SELE: variants seen among roughly 807,000 people sequenced by gnomAD.
The protein encoded by SELE is E-selectin.
SELE carries 52 observed loss-of-function variants against 75.8 expected under a neutral mutation model. The ratio of observed to expected loss-of-function variants is 0.69; its 90% CI spans 0.55 to 0.86. The LOEUF (loss-of-function observed/expected upper bound fraction) is 0.86. Among genes scored for constraint, SELE ranks in the 40% least tolerant of loss-of-function variants. The pLI is 0.00. For missense variants in SELE, 754 were observed against 732.7 expected (o/e 1.03, Z -0.34); for synonymous variants, 285 against 258.7 (o/e 1.10, Z -0.98).
In SELE at chr1:169,723,049, A is replaced by G. The variant is rs1304542984; in HGVS notation, c.*1476T>C. On this transcript the variant is annotated 3_prime_UTR_variant, in exon 14 of 14. Coordinates refer to ENST00000333360, the MANE Select transcript of SELE (RefSeq NM_000450.2). The stretch of plus-strand genomic sequence containing the variant: ...CTTTTTTTTCAACACATGCTAAGTT[A>G]ATGGAAGTGTAGGAGAGTTTTGATT... 6.6e-6 allele frequency: 1 copy of G among 152,196 alleles called. No homozygotes were observed. Among genetic ancestry groups the G allele is most frequent in the Non-Finnish European group, 1.5e-5 (1 of 68,034 alleles). The allele number at this position is 152,196 out of a possible 1,614,324, so 9.4% of individuals were successfully genotyped here. A position where few individuals can be genotyped will look rare whatever the true frequency, so the allele number is the denominator to read the frequency against.
At chr1:169,733,333 A>G (rs1487659823) in intron 2 of SELE, among the ~76,000 whole-genome samples, 3 of 152,110 alleles carry the variant, frequency 2.0e-5, no homozygotes, top group Non-Finnish European at 1.5e-5. Context: ...GAACCATGCT[A>G]TTGAATCCTC....
intron 12 of SELE, 33 bp from the exon 13 acceptor site, chr1:169,725,834 C>T (rs760211399): frequency 1.2e-6 from 2 of 1,613,830 alleles, no homozygotes; most frequent in Non-Finnish European, 1.7e-6. Flanking sequence ...AGGTAAAGCA[C>T]TGTCTTCCAA....
chr1:169,733,833 T>C (rs5353), intron 1 of SELE, 138 bp downstream of exon 1: 188,369 of 575,528 alleles, frequency 0.33, 34,022 homozygotes, highest in East Asian at 0.57. Context: ...AGACTTTCAT[T>C]ATTTAGGTCA....
intron 4 of SELE, among the ~76,000 whole-genome samples, chr1:169,731,083 CTA>C (rs1648899820): frequency 6.6e-6 from 1 of 152,170 alleles, no homozygotes; most frequent in African/African-American, 2.4e-5. Flanking sequence ...GCACTGTCTA[CTA>C]TAGTAGCCAC....
intron 5 of SELE, among the ~76,000 whole-genome samples, chr1:169,729,978 TA>T (rs1648871443): frequency 6.6e-6 from 1 of 152,200 alleles, no homozygotes; most frequent in African/African-American, 2.4e-5. Context: ...CTGACATACG[TA>T]GGCTATTCAT....
intron 11 of SELE, 66 bp downstream of exon 11, chr1:169,726,633 A>T (rs1648780629): frequency 8.4e-6 from 9 of 1,074,358 alleles, no homozygotes; most frequent in Non-Finnish European, 1.3e-5. Flanking sequence ...CAAGACCATG[A>T]CTTATCAATG....
chr1:169,726,183 A>G (rs1313074632), intron 11 of SELE, among the ~76,000 whole-genome samples: 2 of 152,072 alleles, frequency 1.3e-5, no homozygotes, highest in South Asian at 2.1e-4. Flanking sequence ...TCAGCTCCCA[A>G]TTTTTCATGA....
intron 2 of SELE, 103 bp from the exon 3 acceptor site, chr1:169,733,101 A>G (rs1048275159): frequency 1.3e-5 from 15 of 1,187,632 alleles, no homozygotes; most frequent in Admixed American, 8.3e-5. Flanking sequence ...TGTTTGTGAC[A>G]TGGCCCAGAC....
At position 169,728,036 on chromosome 1, in the gene SELE, AAAATAAAAAC is replaced by A. The variant is rs748899457; in HGVS notation, c.1279+12_1279+21del. 2.5e-6 allele frequency: 4 copies of A among 1,585,896 alleles called. No individual in the cohort carries two copies. The highest frequency in any genetic ancestry group is 3.4e-6 in the Non-Finnish European group (4 of 1,171,458). On this transcript the variant is annotated intron_variant, in intron 8 of 13. Transcript: ENST00000333360. Reference sequence around the variant, plus strand: ...TCAATAGTTCTTTTTATCTTAAAATAAAATAAAAACAAAGACTGTACCTTCACATGTGGGC... The same window carrying A: ...TCAATAGTTCTTTTTATCTTAAAATAAAAGACTGTACCTTCACATGTGGGC...
rs1029340378 is a variant in SELE, at chr1:169,727,849, TA to T, written c.1357del (p.Tyr453ThrfsTer39). ...CAHSPIGEFT[Y>X]KSSCAFSCEE... is the part of the protein sequence containing the mutation. ...ACAGCTGAAGGCACAAGAGGACTTG[TA>T]GGTGAATTCTCCAATAGGGGAATGA... is the stretch of plus-strand genomic sequence containing the variant. On this transcript the variant is annotated frameshift_variant, in exon 9 of 14. Coordinates refer to ENST00000333360, the MANE Select transcript of SELE (RefSeq NM_000450.2). LOFTEE classifies it high-confidence loss of function. The T allele has an allele frequency of 1.1e-5, 17 of 1,614,062 alleles. No individual in the cohort carries two copies. Among genetic ancestry groups the T allele is most frequent in the African/African-American group, 2.7e-5 (2 of 74,926 alleles).
intron 4 of SELE, chr1:169,731,403 G>A (rs1287307774): frequency 6.3e-6 from 1 of 158,062 alleles, no homozygotes; most frequent in African/African-American, 2.4e-5. Flanking sequence ...CAGAGCCAGA[G>A]GCCAGAGCAT....
chr1:169,728,457 A>G (rs1308141208), intron 7 of SELE, among the ~76,000 whole-genome samples: 1 of 152,226 alleles, frequency 6.6e-6, no homozygotes, highest in Admixed American at 6.5e-5. Context: ...TAATCAGAAC[A>G]TTAGTTCCTG....
chr1:169,728,445 A>G (rs1018198619), intron 7 of SELE, among the ~76,000 whole-genome samples, 199 bp from the exon 8 acceptor site: 2 of 152,230 alleles, frequency 1.3e-5, no homozygotes, highest in African/African-American at 4.8e-5. Flanking sequence ...TAAAAGACTA[A>G]TTAATCAGAA....
chr1:169,725,010 C>T (rs1227216500), intron 13 of SELE, among the ~76,000 whole-genome samples: 1 of 152,154 alleles, frequency 6.6e-6, no homozygotes, highest in Non-Finnish European at 1.5e-5. Flanking sequence ...GAGTTTGAAT[C>T]CTGGCTACAC....
chr1:169,729,332 A>G lies in SELE; in HGVS notation c.944T>C (p.Val315Ala), dbSNP rs370576449. ...TCCAGCAGGGGAATGGCTGCACCTC[A>G]CAGAGCCATTCTGAGGCTGGCGGAC... ...RAVRQPQNGSVRCSHSPAGEF... is the reference protein window; with the variant it reads ...RAVRQPQNGSARCSHSPAGEF... The change falls in exon 7 of 14, where the codon GTG (valine) becomes GCG (alanine). Residue 315 changes from valine to alanine, a missense_variant. Transcript: ENST00000333360. The G allele has an allele frequency of 1.1e-5, 17 of 1,614,120 alleles. No homozygotes were observed. The African/African-American group carries it at 1.5e-4, about 14-fold the overall frequency.
Position 169,725,750 on chromosome 1 carries a change from G to A in SELE, c.1827C>T (p.Ile609=). The A allele has an allele frequency of 6.2e-7, 1 of 1,613,868 alleles. No individual in the cohort carries two copies. The highest frequency in any genetic ancestry group is 8.5e-7 in the Non-Finnish European group (1 of 1,179,824). ...TTACCTGATTCTTTTGAACTTAAAG[G>A]ATGTAAGAAGGCTTTTGGTAGCTTC... ...SDGSYQKPSY[I]L Residue 609 remains isoleucine, a synonymous_variant, in exon 13 of 14, where the codon ATC becomes ATT. Transcript: ENST00000333360.
chr1:169,726,554 T>C (rs1648778739), intron 11 of SELE, 145 bp downstream of exon 11: 2 of 675,018 alleles, frequency 3.0e-6, no homozygotes. Context: ...CTACTAACTC[T>C]TTTCTTAATA....
Position 169,730,436 on chromosome 1 carries a change from G to A in SELE, c.711C>T (p.Cys237=), listed in dbSNP as rs1321233770. 13 of 1,587,172 alleles carry A rather than the reference G, an allele frequency of 8.2e-6. No individual in the cohort carries two copies. Among genetic ancestry groups the A allele is most frequent in the Non-Finnish European group, 1.1e-5 (13 of 1,162,534 alleles). ...SGEWSAPIPA[C]NVVECDAVTN... ...TGCATTCTCAGAGGGATTTACCATT[G>A]CAGGCTGGAATAGGAGCACTCCATT... The change falls in exon 5 of 14, where the codon TGC becomes TGT. Residue 237 remains cysteine, a synonymous_variant. Transcript: ENST00000333360.
intron 9 of SELE, 103 bp from the exon 10 acceptor site, chr1:169,727,628 T>C (rs1648808534): frequency 1.3e-6 from 2 of 1,534,902 alleles, no homozygotes; most frequent in Non-Finnish European, 1.8e-6. Context: ...AAGCGCTACT[T>C]AGTTTTCAGC....
Sources: allele counts gnomAD v4.1 joint callset (sites outside exome capture counted in the v4.1 genomes callset), GRCh38; gene constraint gnomAD v4.1.1; transcripts MANE v1.5; gene names NCBI Gene and HGNC (gene_info 2026-07-23, HGNC 2026-07-21).